Variants in FUT8 observed in about 807,000 individuals in gnomAD.
The protein encoded by FUT8 is alpha-(1,6)-fucosyltransferase.
FUT8 carries 29 observed loss-of-function variants against 71.3 expected under a neutral mutation model. That is an observed-to-expected ratio of 0.41 (90% CI 0.30 to 0.55). The LOEUF is 0.55. Among genes scored for constraint, FUT8 ranks in the 20% least tolerant of loss-of-function variants. FUT8 has a pLI of 0.34. For missense variants in FUT8, 544 were observed against 702.1 expected (o/e 0.77, Z 2.55); for synonymous variants, 254 against 239.3 (o/e 1.06, Z -0.57).
At chr14:65,395,867 C>T in the FUT8 span, among the ~76,000 whole-genome samples, 1 of 152,214 alleles carries the variant, frequency 6.6e-6, no homozygotes, top group Non-Finnish European at 1.5e-5. Context: ...GCTCTGTTTC[C>T]CTTTTAAAAC....
intron 6 of FUT8, among the ~76,000 whole-genome samples, chr14:65,640,232 C>A (rs1024507718): frequency 6.6e-6 from 1 of 151,322 alleles, no homozygotes; most frequent in Non-Finnish European, 1.5e-5. Flanking sequence ...AATAAAAGGA[C>A]CAAACCAATG....
At chr14:65,560,346 AG>A (rs1211174262) in intron 2 of FUT8, among the ~76,000 whole-genome samples, 2 of 152,012 alleles carry the variant, frequency 1.3e-5, no homozygotes, top group Non-Finnish European at 2.9e-5. Flanking sequence ...TTAAAATTAA[AG>A]AAAAAAAAAT....
chr14:65,377,751 G>C, the FUT8 span, among the ~76,000 whole-genome samples: 411 of 152,282 alleles, frequency 2.7e-3, 4 homozygotes, highest in African/African-American at 9.4e-3. Flanking sequence ...AAACTCTCAA[G>C]AGGTTTGAAT....
chr14:65,672,082 C>T (rs1892501897), intron 7 of FUT8, among the ~76,000 whole-genome samples: 1 of 152,204 alleles, frequency 6.6e-6, no homozygotes, highest in African/African-American at 2.4e-5. Flanking sequence ...CATTTCATAG[C>T]TATATCATAC....
Position 65,742,188 on chromosome 14 carries a change from G to A in FUT8, c.1506G>A (p.Gln502=), listed in dbSNP as rs368942174. The stretch of plus-strand genomic sequence containing the variant: ...ATGACATCTACTATTTTGGGGGCCA[G>A]AATGCCCACAATCAAATTGCCATTT... The part of the protein sequence containing the change: ...SLDDIYYFGG[Q]NAHNQIAIYA... The change falls in exon 11 of 11, where the codon CAG becomes CAA. Residue 502 remains glutamine (Q), a synonymous_variant. Transcript: ENST00000673929. 5.0e-6 allele frequency: 8 copies of A among 1,613,002 alleles called. No individual in the cohort carries two copies. Among genetic ancestry groups the A allele is most frequent in the Non-Finnish European group, 6.8e-6 (8 of 1,179,388 alleles).
At chr14:65,456,991 G>A (rs374450978) in intron 2 of FUT8, among the ~76,000 whole-genome samples, 55 of 152,046 alleles carry the variant, frequency 3.6e-4, no homozygotes, top group African/African-American at 1.3e-3. Context: ...TGGAATATCC[G>A]TTAACTTAAA....
In FUT8 at chr14:65,726,116, T is replaced by C. The variant is rs189614653; in HGVS notation, c.1259+1793T>C. ...TAATGTAAGAGGGATTAAATGAACA[T>C]TTGGGCACAAAACACAATAAAAAAA... On this transcript the variant is annotated intron_variant, in intron 9 of 10. Transcript: ENST00000673929. 4.6e-5 allele frequency among the ~76,000 whole-genome samples: 7 copies of C among 152,312 alleles called. No individual in the cohort carries two copies. In the East Asian group the frequency reaches 1.3e-3, roughly 29 times the overall value.
intron 1 of FUT8, among the ~76,000 whole-genome samples, chr14:65,445,749 C>T (rs1345175900): frequency 1.3e-5 from 2 of 152,120 alleles, no homozygotes; most frequent in African/African-American, 2.4e-5. Flanking sequence ...TTTTACGTCT[C>T]AAGGATTTGT....
At chr14:65,716,659 T>C (rs201643170) in intron 7 of FUT8, among the ~76,000 whole-genome samples, 1 of 152,032 alleles carries the variant, frequency 6.6e-6, no homozygotes, top group South Asian at 2.1e-4. Flanking sequence ...ACAATCTGAT[T>C]TCTCTTTCTT....
At chr14:65,594,212 A>T (rs1819762473) in intron 3 of FUT8, among the ~76,000 whole-genome samples, 2 of 152,034 alleles carry the variant, frequency 1.3e-5, no homozygotes, top group Admixed American at 1.3e-4. Flanking sequence ...GCAAACGAGT[A>T]CAGGAACCCA....
intron 3 of FUT8, among the ~76,000 whole-genome samples, chr14:65,587,056 G>A (rs1482375256): frequency 6.6e-6 from 1 of 152,118 alleles, no homozygotes; most frequent in Non-Finnish European, 1.5e-5. Flanking sequence ...GGGCATGGTG[G>A]CAGATGCCTG....
intron 6 of FUT8, among the ~76,000 whole-genome samples, chr14:65,663,001 T>A (rs1892043511): frequency 6.6e-6 from 1 of 152,140 alleles, no homozygotes. Flanking sequence ...TTTAAGTAGA[T>A]CCCATATATA....
intron 5 of FUT8, among the ~76,000 whole-genome samples, chr14:65,619,028 A>G (rs1395675366): frequency 6.6e-6 from 1 of 152,050 alleles, no homozygotes; most frequent in Non-Finnish European, 1.5e-5. Context: ...GGGGTGTAGT[A>G]TTATGGAACT....
At chr14:65,446,268 A>T (rs2065739644) in intron 1 of FUT8, among the ~76,000 whole-genome samples, 1 of 152,304 alleles carries the variant, frequency 6.6e-6, no homozygotes, top group Admixed American at 6.5e-5. Flanking sequence ...CTAATAGTGC[A>T]GTTTAACACT....
intron 3 of FUT8, among the ~76,000 whole-genome samples, chr14:65,584,085 A>G (rs1180725060): frequency 6.6e-6 from 1 of 151,606 alleles, no homozygotes; most frequent in African/African-American, 2.4e-5. Flanking sequence ...TTCAACAGCT[A>G]GGAAGGTCTC....
intron 10 of FUT8, among the ~76,000 whole-genome samples, chr14:65,739,512 G>GT (rs1896387394): frequency 1.3e-5 from 2 of 152,010 alleles, no homozygotes; most frequent in South Asian, 4.1e-4. Flanking sequence ...GTGCGATGTT[G>GT]TTTTTATGAG....
At chr14:65,438,958 T>G (rs899773856) in intron 1 of FUT8, among the ~76,000 whole-genome samples, 8 of 152,244 alleles carry the variant, frequency 5.3e-5, no homozygotes. Flanking sequence ...TACACATATT[T>G]TATTTCCTAA....
intron 1 of FUT8, among the ~76,000 whole-genome samples, chr14:65,423,747 A>G (rs556966390): frequency 6.6e-6 from 1 of 152,320 alleles, no homozygotes; most frequent in Admixed American, 6.5e-5. Context: ...TTTAAGTTGT[A>G]TAATGACTTT....
intron 3 of FUT8, among the ~76,000 whole-genome samples, chr14:65,596,232 T>TA (rs1887970895): frequency 6.6e-6 from 1 of 152,310 alleles, no homozygotes; most frequent in South Asian, 2.1e-4. Flanking sequence ...TGCACATACA[T>TA]ATGCAAAATG....
Sources: gnomAD v4.1 joint callset for allele counts (sites outside exome capture counted in the v4.1 genomes callset) on GRCh38, gnomAD v4.1.1 for gene constraint, MANE v1.5 for transcripts, NCBI Gene and HGNC (gene_info 2026-07-23, HGNC 2026-07-21) for gene names.